AFF3: variants seen among roughly 807,000 people sequenced by gnomAD.
AFF3 encodes ALF transcription elongation factor 3.
AFF3 carries 32 observed loss-of-function variants against 129.7 expected under a neutral mutation model. The observed-to-expected ratio is 0.25, with a 90% CI of 0.19 to 0.33. AFF3 has a LOEUF of 0.33. Ranked by LOEUF, AFF3 falls within the 10% of genes least tolerant of loss-of-function variation. AFF3 has a pLI of 1.00. For synonymous variants in AFF3, 644 were observed against 635.4 expected, an observed-to-expected ratio of 1.01 and a Z score of -0.20; for missense variants, 1,373 against 1,592.0, an observed-to-expected ratio of 0.86 and a Z score of 2.34.
At chr2:99,573,650 A>AT (rs1402559588) in intron 18 of AFF3, among the ~76,000 whole-genome samples, 3 of 152,186 alleles carry the variant, frequency 2.0e-5, no homozygotes, top group Non-Finnish European at 4.4e-5. Context: ...TACATTACAA[A>AT]TGTCAAGTCC....
intron 8 of AFF3, among the ~76,000 whole-genome samples, chr2:99,797,712 A>C (rs1341339912): frequency 6.6e-6 from 1 of 152,170 alleles, no homozygotes; most frequent in Non-Finnish European, 1.5e-5. Flanking sequence ...GGATTACAAC[A>C]GATTTACTGT....
chr2:99,603,785 GA>G (rs1680068562), intron 13 of AFF3, among the ~76,000 whole-genome samples: 1 of 151,928 alleles, frequency 6.6e-6, no homozygotes, highest in South Asian at 2.1e-4. Context: ...AAATTTACAA[GA>G]AAAAACAATC....
chr2:99,802,767 T>C (rs1576027598), intron 8 of AFF3, among the ~76,000 whole-genome samples: 1 of 150,720 alleles, frequency 6.6e-6, no homozygotes, highest in African/African-American at 2.4e-5. Context: ...TTGGTCACTG[T>C]TGGTGTATAG....
chr2:99,554,744 TA>T lies in AFF3; in HGVS notation c.3286-13del. Reference sequence around the variant, plus strand: ...GCTTTAGATGAGTTCTGCAAGAAAATAAAAACACTGACAGTGAGTGCCATCT... The same window carrying T: ...GCTTTAGATGAGTTCTGCAAGAAAATAAAACACTGACAGTGAGTGCCATCT... On this transcript the variant is annotated splice_polypyrimidine_tract_variant and intron_variant, in intron 22 of 24. Transcript: ENST00000672756. 1 of 1,614,036 alleles carries T rather than the reference TA, an allele frequency of 6.2e-7. No homozygotes were observed. Among genetic ancestry groups the T allele is most frequent in the Non-Finnish European group, 8.5e-7 (1 of 1,179,994 alleles).
At chr2:99,601,403 C>T (rs751233044) in intron 14 of AFF3, 32 bp downstream of exon 14, 1 of 1,554,198 alleles carries the variant, frequency 6.4e-7, no homozygotes, top group Non-Finnish European at 8.7e-7. Flanking sequence ...CAGAAGTGGG[C>T]AGAGGAGAGG....
At chr2:99,915,598 C>T (rs563807344) in intron 7 of AFF3, among the ~76,000 whole-genome samples, 1 of 152,268 alleles carries the variant, frequency 6.6e-6, no homozygotes, top group East Asian at 1.9e-4. Context: ...TGGTTTAATT[C>T]ACTGCCTGAT....
At position 99,768,192 on chromosome 2, in the gene AFF3, T is replaced by C. The variant is rs140245125; in HGVS notation, c.922-15891A>G. Among the ~76,000 whole-genome samples the C allele has an allele frequency of 1.1e-4, 16 of 152,356 alleles. No individual in the cohort carries two copies. In the East Asian group the frequency reaches 3.1e-3, roughly 29 times the overall value. The stretch of plus-strand genomic sequence containing the variant: ...ATTTATTGAAAAAGTATTTCCATAA[T>C]ATTTTCTGCTTAAATAACATATGCT... On this transcript the variant is annotated intron_variant, in intron 8 of 24. Transcript: ENST00000672756.
chr2:99,954,734 G>T (rs1217534073), intron 7 of AFF3, among the ~76,000 whole-genome samples: 2 of 128,168 alleles, frequency 1.6e-5, no homozygotes, highest in Admixed American at 1.9e-4. Context: ...ATGGACACAG[G>T]AAGGGGAACA....
intron 7 of AFF3, among the ~76,000 whole-genome samples, chr2:99,882,752 G>C (rs932975472): frequency 6.6e-6 from 1 of 152,182 alleles, no homozygotes; most frequent in African/African-American, 2.4e-5. Flanking sequence ...CTCAATGCAA[G>C]GCTCAAGGCT....
At chr2:99,856,420 T>C (rs937329386) in intron 7 of AFF3, among the ~76,000 whole-genome samples, 1 of 152,186 alleles carries the variant, frequency 6.6e-6, no homozygotes, top group Admixed American at 6.5e-5. Flanking sequence ...ATCCAGATAC[T>C]GAAGTTATCA....
At chr2:99,897,341 CT>C (rs763127619) in intron 7 of AFF3, among the ~76,000 whole-genome samples, 39 of 152,128 alleles carry the variant, frequency 2.6e-4, no homozygotes, top group Admixed American at 1.0e-3. Flanking sequence ...AAACACCCCC[CT>C]GGCTCCCATT....
chr2:100,034,231 C>A (rs1684734401), intron 4 of AFF3, among the ~76,000 whole-genome samples: 1 of 152,092 alleles, frequency 6.6e-6, no homozygotes, highest in African/African-American at 2.4e-5. Context: ...ACTTGTCAAT[C>A]AGAAAACACA....
At chr2:99,620,631 A>C (rs1161869064) in intron 13 of AFF3, among the ~76,000 whole-genome samples, 1 of 152,214 alleles carries the variant, frequency 6.6e-6, no homozygotes, top group African/African-American at 2.4e-5. Context: ...CCTGTCTCCA[A>C]AAACAAACAA....
chr2:99,573,825 GACTGACTTTTCCATGTGAC>G (rs1676734033), intron 18 of AFF3, among the ~76,000 whole-genome samples: 1 of 152,196 alleles, frequency 6.6e-6, no homozygotes, highest in Non-Finnish European at 1.5e-5. Context: ...TGCTGATTGT[GACTGACTTTTCCATGTGAC>G]ATACAGGCAG....
Position 100,141,171 on chromosome 2 carries a change from T to C in AFF3, c.-228+1313A>G, listed in dbSNP as rs150293521. Among the ~76,000 whole-genome samples, 474 of 152,360 alleles carry C rather than the reference T, an allele frequency of 3.1e-3. 2 individuals are homozygous for C. The highest frequency in any genetic ancestry group is 9.7e-3 in the African/African-American group (404 of 41,590). On this transcript the variant is annotated intron_variant, in intron 1 of 24. Transcript: ENST00000672756. The stretch of plus-strand genomic sequence containing the variant: ...TCCGATGCAGAGATGTATAGTGACT[T>C]GCCTAAAACCATCATGTTAGAGTGG...
At chr2:99,599,412 C>T (rs1364699206) in intron 14 of AFF3, among the ~76,000 whole-genome samples, 2 of 152,134 alleles carry the variant, frequency 1.3e-5, no homozygotes, top group East Asian at 1.9e-4. Context: ...GCGCCCACCA[C>T]CACACCCAGC....
intron 11 of AFF3, among the ~76,000 whole-genome samples, chr2:99,703,630 G>A (rs1677080922): frequency 1.4e-5 from 2 of 147,244 alleles, no homozygotes; most frequent in Admixed American, 1.4e-4. Flanking sequence ...TATTCCTTTT[G>A]TTTCTCATTT....
At chr2:100,075,926 C>T (rs970370385) in intron 4 of AFF3, among the ~76,000 whole-genome samples, 2 of 152,170 alleles carry the variant, frequency 1.3e-5, no homozygotes, top group Non-Finnish European at 2.9e-5. Context: ...ACTTAAGACA[C>T]AGCCACACCC....
intron 10 of AFF3, among the ~76,000 whole-genome samples, chr2:99,733,987 G>A (rs1049227879): frequency 2.6e-5 from 4 of 152,144 alleles, no homozygotes; most frequent in African/African-American, 9.7e-5. Context: ...TTTGATTGGA[G>A]CTGTATTAAA....
Sources: gnomAD v4.1 joint callset for allele counts (sites outside exome capture counted in the v4.1 genomes callset) on GRCh38, gnomAD v4.1.1 for gene constraint, MANE v1.5 for transcripts, NCBI Gene and HGNC (gene_info 2026-07-23, HGNC 2026-07-21) for gene names.